The following ORC4 variants were observed in gnomAD, a reference collection of about 807,000 sequenced individuals.
ORC4 encodes origin recognition complex, subunit 4 homolog.
Under a neutral mutation model 63.9 loss-of-function variants are expected in ORC4, and 55 were observed. The ratio of observed to expected loss-of-function variants is 0.86; its 90% CI spans 0.69 to 1.08. ORC4 has a LOEUF of 1.08. ORC4 is among the 50% of genes least tolerant of loss of function. ORC4 has a pLI of 0.00. For synonymous variants in ORC4, 150 were observed against 168.5 expected, an observed-to-expected ratio of 0.89 and a Z score of 0.85; for missense variants, 511 against 504.4, an observed-to-expected ratio of 1.01 and a Z score of -0.13.
At chr2:148,006,812 C>T (rs998289792) in intron 1 of ORC4, among the ~76,000 whole-genome samples, 5 of 152,208 alleles carry the variant, frequency 3.3e-5, no homozygotes, top group African/African-American at 1.2e-4. Context: ...AGCCCCAATA[C>T]TGTGCTGGTC....
At chr2:147,948,279 A>C in intron 8 of ORC4, 55 bp from the exon 9 acceptor site, 1 of 1,206,964 alleles carries the variant, frequency 8.3e-7, no homozygotes, top group Non-Finnish European at 1.2e-6. Flanking sequence ...AAAAAAACAA[A>C]AACACTGTAC....
At chr2:147,987,403 C>A (rs1317524245) in intron 1 of ORC4, among the ~76,000 whole-genome samples, 1 of 147,134 alleles carries the variant, frequency 6.8e-6, no homozygotes, top group Non-Finnish European at 1.5e-5. Context: ...CACACACACA[C>A]ACACACACAA....
At chr2:148,010,069 A>T (rs1692859294) in intron 1 of ORC4, among the ~76,000 whole-genome samples, 1 of 152,208 alleles carries the variant, frequency 6.6e-6, no homozygotes, top group South Asian at 2.1e-4. Context: ...AACTATACAA[A>T]CATATAAGAA....
intron 1 of ORC4, among the ~76,000 whole-genome samples, chr2:147,995,072 C>G (rs1363954937): frequency 6.6e-6 from 1 of 151,670 alleles, no homozygotes; most frequent in African/African-American, 2.4e-5. Context: ...ATGCACCAAT[C>G]AGCACTCTAT....
intron 9 of ORC4, among the ~76,000 whole-genome samples, chr2:147,944,511 G>T (rs376487770): frequency 6.6e-6 from 1 of 152,010 alleles, no homozygotes; most frequent in Non-Finnish European, 1.5e-5. Context: ...ACAGCCCTTT[G>T]AGAAAGTACC....
At chr2:147,968,445 C>CA (rs1690022834) in intron 4 of ORC4, among the ~76,000 whole-genome samples, 1 of 151,764 alleles carries the variant, frequency 6.6e-6, no homozygotes, top group Admixed American at 6.6e-5. Flanking sequence ...ATCTCAAAAG[C>CA]AAAAAACCAA....
chr2:147,979,107 G>A (rs993180142), intron 1 of ORC4, among the ~76,000 whole-genome samples: 3 of 152,098 alleles, frequency 2.0e-5, no homozygotes, highest in African/African-American at 7.2e-5. Context: ...GCAAGTCCTA[G>A]CCAGAGGAAT....
At chr2:147,985,919 GA>G (rs767670222) in intron 1 of ORC4, among the ~76,000 whole-genome samples, 1 of 151,756 alleles carries the variant, frequency 6.6e-6, no homozygotes, top group African/African-American at 2.4e-5. Context: ...CAACTGGCAT[GA>G]AAAAAAACCC....
At chr2:148,008,556 C>T (rs1250000667) in intron 1 of ORC4, among the ~76,000 whole-genome samples, 1 of 152,200 alleles carries the variant, frequency 6.6e-6, no homozygotes, top group Non-Finnish European at 1.5e-5. Context: ...CGATTACCTA[C>T]TCCACCCTGA....
At chr2:147,937,120 G>A (rs982427100) in intron 13 of ORC4, 2 of 150,200 alleles carry the variant, frequency 1.3e-5, no homozygotes, top group African/African-American at 4.9e-5. Flanking sequence ...CTCCAGTATT[G>A]TAAAATACTT....
intron 11 of ORC4, 187 bp from the exon 12 acceptor site, chr2:147,938,580 G>T: frequency 1.8e-6 from 1 of 552,960 alleles, no homozygotes; most frequent in Non-Finnish European, 3.2e-6. Flanking sequence ...CCTGAGCTTA[G>T]TTTTTTTCCT....
chr2:148,013,132 C>G (rs1157474164), intron 1 of ORC4, among the ~76,000 whole-genome samples: 1 of 152,134 alleles, frequency 6.6e-6, no homozygotes. Flanking sequence ...TATCTGTACT[C>G]CCATGTTAAC....
intron 6 of ORC4, among the ~76,000 whole-genome samples, chr2:147,956,804 T>A (rs563844553): frequency 1.2e-4 from 19 of 152,076 alleles, no homozygotes; most frequent in African/African-American, 4.6e-4. Flanking sequence ...TGATAAAAAA[T>A]TGTCATTTTT....
chr2:148,006,000 T>A (rs1458385585), intron 1 of ORC4, among the ~76,000 whole-genome samples: 5 of 151,680 alleles, frequency 3.3e-5, no homozygotes, highest in African/African-American at 4.8e-5. Flanking sequence ...ATAAACACAC[T>A]AACAAACAAA....
intron 1 of ORC4, among the ~76,000 whole-genome samples, chr2:147,995,488 C>T (rs953008115): frequency 3.3e-5 from 5 of 152,142 alleles, no homozygotes; most frequent in Admixed American, 6.6e-5. Flanking sequence ...TCCCCTTCCA[C>T]GCTGTGGAAG....
At chr2:147,967,449 C>T (rs146216845) in intron 4 of ORC4, among the ~76,000 whole-genome samples, 5,418 of 151,662 alleles carry the variant, frequency 0.036, 122 homozygotes, top group Middle Eastern at 0.089. Flanking sequence ...AAGTTGAAGG[C>T]TACAAAATCA....
At position 147,955,347 on chromosome 2, in the gene ORC4, C is replaced by CT. The variant is rs1225629418; in HGVS notation, c.435dup (p.Gly146ArgfsTer2). Reference sequence around the variant, plus strand: ...AACGGCTGAATATGTTAATATTTACCTTTTTTTAAAGCTTCCAGAAGAAAT... The same window carrying CT: ...AACGGCTGAATATGTTAATATTTACCTTTTTTTTAAAGCTTCCAGAAGAAAT... On this transcript the variant is annotated frameshift_variant and splice_region_variant, in exon 7 of 14. Coordinates refer to ENST00000392857, the MANE Select transcript of ORC4 (RefSeq NM_181741.4). LOFTEE classifies it high-confidence loss of function. 10 of 1,592,424 alleles carry CT rather than the reference C, an allele frequency of 6.3e-6. No homozygotes were observed. Among genetic ancestry groups the CT allele is most frequent in the Middle Eastern group, 1.8e-4 (1 of 5,486 alleles).
intron 1 of ORC4, among the ~76,000 whole-genome samples, chr2:147,979,631 T>C (rs546352084): frequency 1.1e-4 from 16 of 152,082 alleles, no homozygotes; most frequent in African/African-American, 3.6e-4. Context: ...AAGACAATCA[T>C]GAGCTAAAGA....
chr2:147,935,460 T>A lies in ORC4; in HGVS notation c.*50A>T. On this transcript the variant is annotated 3_prime_UTR_variant, in exon 14 of 14. Coordinates refer to ENST00000392857, the MANE Select transcript of ORC4 (RefSeq NM_181741.4). ...ATGTTAATGGACAATAGTTTTCCGT[T>A]CTCTACAGAAGTATGAATGAAATGC... 2 of 1,358,522 alleles carry A rather than the reference T, an allele frequency of 1.5e-6. No individual in the cohort carries two copies. The highest frequency in any genetic ancestry group is 2.1e-6 in the Non-Finnish European group (2 of 947,866). 84.2% of individuals were successfully genotyped at this position (1,358,522 alleles called of 1,614,324 possible).
Sources: gnomAD v4.1 joint callset for allele counts (sites outside exome capture counted in the v4.1 genomes callset) on GRCh38, gnomAD v4.1.1 for gene constraint, MANE v1.5 for transcripts, NCBI Gene and HGNC (gene_info 2026-07-23, HGNC 2026-07-21) for gene names.